The following KCNQ1 variants were observed in gnomAD, a reference collection of about 807,000 sequenced individuals.
The protein encoded by KCNQ1 is potassium voltage-gated channel subfamily KQT member 1.
A neutral mutation model predicts 72.4 loss-of-function variants in KCNQ1; 49 were observed. The ratio of observed to expected loss-of-function variants is 0.68; its 90% CI spans 0.54 to 0.86. The LOEUF (loss-of-function observed/expected upper bound fraction) is 0.86, where lower values mean the gene tolerates loss of function less well. Ranked by LOEUF, KCNQ1 falls within the 40% of genes least tolerant of loss-of-function variation. KCNQ1 has a pLI of 0.00. For missense variants in KCNQ1, 790 were observed against 945.1 expected (o/e 0.84, Z 2.15); for synonymous variants, 450 against 412.6 (o/e 1.09, Z -1.10).
chr11:2,513,636 C>A (rs1006642978), intron 1 of KCNQ1, among the ~76,000 whole-genome samples: 2 of 152,214 alleles, frequency 1.3e-5, no homozygotes, highest in African/African-American at 4.8e-5. Flanking sequence ...CGGGAGCCTC[C>A]ATCACCAGAG....
At position 2,464,359 on chromosome 11, in the gene KCNQ1, A is replaced by G. The variant is rs1846321797; in HGVS notation, c.386+18875A>G. On this transcript the variant is annotated intron_variant, in intron 1 of 15. Coordinates refer to ENST00000155840, the MANE Select transcript of KCNQ1 (RefSeq NM_000218.3). The surrounding 1 kb of genome is among the most constrained non-coding windows in gnomAD (Gnocchi z 5.0). ...TGCTTTTTAAAAATAATAAAAGATC[A>G]TTTAAATTAAAATATATAAGTGAGG... Among the ~76,000 whole-genome samples, 1 of 152,248 alleles carries G rather than the reference A, an allele frequency of 6.6e-6. No individual in the cohort carries two copies. The highest frequency in any genetic ancestry group is 2.4e-5 in the African/African-American group (1 of 41,466).
At chr11:2,707,952 C>A (rs904838787) in intron 11 of KCNQ1, among the ~76,000 whole-genome samples, 2 of 152,200 alleles carry the variant, frequency 1.3e-5, no homozygotes, top group Non-Finnish European at 2.9e-5. Context: ...GCATGTGCCA[C>A]CCCCCAGAGT....
intron 11 of KCNQ1, among the ~76,000 whole-genome samples, chr11:2,747,218 A>C (rs1402175040): frequency 6.6e-6 from 1 of 152,258 alleles, no homozygotes; most frequent in Non-Finnish European, 1.5e-5. Context: ...ACGCCTTAGA[A>C]AGAAATTACC....
chr11:2,646,349 CAAA>C (rs1564843868), intron 10 of KCNQ1: 1 of 398,514 alleles, frequency 2.5e-6, no homozygotes, highest in Non-Finnish European at 4.4e-6. Context: ...TGGGATGTCT[CAAA>C]AAATTTTGTA....
rs528455676 is a variant in KCNQ1, at chr11:2,516,444, C to T, written c.387-11484C>T. Among the ~76,000 whole-genome samples, 5 of 152,266 alleles carry T rather than the reference C, an allele frequency of 3.3e-5. No individual in the cohort carries two copies. The highest frequency in any genetic ancestry group is 4.1e-4 in the South Asian group (2 of 4,824). On this transcript the variant is annotated intron_variant, in intron 1 of 15. Transcript: ENST00000155840. The surrounding 1 kb of genome is among the most constrained non-coding windows in gnomAD (Gnocchi z 7.0). ...TGTGGCGGCCAGCTCTGGGGGCACA[C>T]GTTCCTGTTTGAATTCTCAATCTCC... is the stretch of plus-strand genomic sequence containing the variant.
chr11:2,480,405 A>C (rs180963408), intron 1 of KCNQ1, among the ~76,000 whole-genome samples: 69 of 152,370 alleles, frequency 4.5e-4, no homozygotes, highest in Middle Eastern at 3.4e-3. Context: ...ATGAAGAAAG[A>C]GCAAAGGCAC....
intron 15 of KCNQ1, among the ~76,000 whole-genome samples, chr11:2,836,845 A>C (rs1027575655): frequency 2.0e-5 from 3 of 152,248 alleles, no homozygotes; most frequent in Non-Finnish European, 4.4e-5. Context: ...CCTGGCAGGC[A>C]GGGGCCCTAG....
At chr11:2,697,403 T>C (rs898868638) in intron 11 of KCNQ1, 2 of 398,632 alleles carry the variant, frequency 5.0e-6, no homozygotes, top group Non-Finnish European at 8.8e-6. Flanking sequence ...TATTAGGGTA[T>C]GGCCAGGATG....
intron 10 of KCNQ1, chr11:2,619,074 G>T (rs1849119142): frequency 2.5e-6 from 1 of 398,320 alleles, no homozygotes. Flanking sequence ...AGGTTGCTTT[G>T]TCAGAGTCTT....
intron 11 of KCNQ1, among the ~76,000 whole-genome samples, chr11:2,719,682 G>C (rs1851170770): frequency 6.6e-6 from 1 of 152,180 alleles, no homozygotes; most frequent in Non-Finnish European, 1.5e-5. Context: ...AAGGAAACCA[G>C]GGCAGGACAG....
In KCNQ1 at chr11:2,712,116, G is replaced by A. The variant is rs1466030896; in HGVS notation, c.1514+50035G>A. Reference sequence around the variant, plus strand: ...AGAGGCCAGGATCCAAGGAGGTAACGGCTTTCTAGCCCTTTGGAAACCTGA... The same window carrying A: ...AGAGGCCAGGATCCAAGGAGGTAACAGCTTTCTAGCCCTTTGGAAACCTGA... On this transcript the variant is annotated intron_variant, in intron 11 of 15. Transcript: ENST00000155840. This position sits in a 1 kb window ranked among gnomAD's most constrained non-coding sequence, Gnocchi z 6.4. Among the ~76,000 whole-genome samples the A allele has an allele frequency of 7.9e-5, 12 of 152,194 alleles. No individual in the cohort carries two copies. Among genetic ancestry groups the A allele is most frequent in the Admixed American group, 6.5e-4 (10 of 15,282 alleles).
intron 12 of KCNQ1, among the ~76,000 whole-genome samples, chr11:2,775,741 G>A (rs1473669430): frequency 5.9e-5 from 9 of 152,184 alleles, no homozygotes; most frequent in Non-Finnish European, 1.2e-4. Flanking sequence ...CAGAGAGGCC[G>A]AGCTGATGGC....
At chr11:2,837,772 G>T (rs1383509502) in intron 15 of KCNQ1, among the ~76,000 whole-genome samples, 1 of 152,256 alleles carries the variant, frequency 6.6e-6, no homozygotes, top group Admixed American at 6.5e-5. Context: ...GCCAGCCCAT[G>T]TGAGGGTCCT....
rs533741830 is a variant in KCNQ1 at position 2,781,422 on chromosome 11, G to T, written c.1794+3385G>T. ...TGAGGAGGGTTGAGGCCAGGGGCAGGCTGGGGGCACCAGCAGCAGGGCCCA... is the reference window on the plus strand; with the variant it reads ...TGAGGAGGGTTGAGGCCAGGGGCAGTCTGGGGGCACCAGCAGCAGGGCCCA... On this transcript the variant is annotated intron_variant, in intron 15 of 15. Transcript: ENST00000155840. This position sits in a 1 kb window ranked among gnomAD's most constrained non-coding sequence, Gnocchi z 6.6. Among the ~76,000 whole-genome samples, 31 of 152,288 alleles carry T rather than the reference G, an allele frequency of 2.0e-4. No homozygotes were observed. Among genetic ancestry groups the T allele is most frequent in the Middle Eastern group, 3.4e-3 (1 of 294 alleles).
Position 2,447,871 on chromosome 11 carries a change from G to A in KCNQ1, c.386+2387G>A, listed in dbSNP as rs1052377868. Among the ~76,000 whole-genome samples, 12 of 152,198 alleles carry A rather than the reference G, an allele frequency of 7.9e-5. No individual in the cohort carries two copies. The highest frequency in any genetic ancestry group is 2.7e-4 in the African/African-American group (11 of 41,458). ...GGCTAGGGCGAACTCTCCTGTGTGC[G>A]CCTGGGGAAGCCAGCCAGGATATCC... On this transcript the variant is annotated intron_variant, in intron 1 of 15. Transcript: ENST00000155840. The surrounding 1 kb of genome is among the most constrained non-coding windows in gnomAD (Gnocchi z 7.6).
chr11:2,726,699 T>C (rs1564872895), intron 11 of KCNQ1, among the ~76,000 whole-genome samples: 1 of 152,176 alleles, frequency 6.6e-6, no homozygotes, highest in Non-Finnish European at 1.5e-5. Flanking sequence ...TTTTCTGCAT[T>C]GGCCTGAATA....
Position 2,564,056 on chromosome 11 carries a change from C to CA in KCNQ1, c.478-6571dup, listed in dbSNP as rs1848212130. On this transcript the variant is annotated intron_variant, in intron 2 of 15. Transcript: ENST00000155840. This position sits in a 1 kb window ranked among gnomAD's most constrained non-coding sequence, Gnocchi z 4.5. ...GCCCAGGTGAGCAACCGCCACGGGC[C>CA]AGGGCCCCTCGAGGCACTCATTTCA... Among the ~76,000 whole-genome samples the CA allele has an allele frequency of 6.6e-6, 1 of 152,230 alleles. No individual in the cohort carries two copies.
chr11:2,671,088 G>T lies in KCNQ1; in HGVS notation c.1514+9007G>T. On this transcript the variant is annotated intron_variant, in intron 11 of 15. Coordinates refer to ENST00000155840, the MANE Select transcript of KCNQ1 (RefSeq NM_000218.3). The surrounding 1 kb of genome is among the most constrained non-coding windows in gnomAD (Gnocchi z 4.7). ...GGTAGTGACTGGCTAGCAGGAGGAA[G>T]TCTGGCAGTTAGTCTGAGCAGTTAG... The T allele has an allele frequency of 2.7e-6, 1 of 377,034 alleles. No homozygotes were observed. 23.4% of individuals were successfully genotyped at this position (377,034 alleles called of 1,614,324 possible).
In KCNQ1 at chr11:2,663,976, C is replaced by A; in HGVS notation, c.1514+1895C>A. The A allele has an allele frequency of 2.5e-6, 1 of 398,706 alleles. No individual in the cohort carries two copies. Among genetic ancestry groups the A allele is most frequent in the South Asian group, 1.3e-4 (1 of 7,858 alleles). 24.7% of individuals were successfully genotyped at this position (398,706 alleles called of 1,614,324 possible). A position where few individuals can be genotyped will look rare whatever the true frequency, so the allele number is the denominator to read the frequency against. On this transcript the variant is annotated intron_variant, in intron 11 of 15. Coordinates refer to ENST00000155840, the MANE Select transcript of KCNQ1 (RefSeq NM_000218.3). This position sits in a 1 kb window ranked among gnomAD's most constrained non-coding sequence, Gnocchi z 5.2. ...GCCTGAGAGACCTGAACATCCATCCCCAAGCTCTCTGCCCACTTTGGGTCT... is the reference window on the plus strand; with the variant it reads ...GCCTGAGAGACCTGAACATCCATCCACAAGCTCTCTGCCCACTTTGGGTCT...
Sources: gnomAD v4.1 joint callset for allele counts (sites outside exome capture counted in the v4.1 genomes callset) on GRCh38, gnomAD v4.1.1 for gene constraint, Gnocchi (gnomAD v3.1) non-coding constraint, MANE v1.5 for transcripts, NCBI Gene and HGNC (gene_info 2026-07-23, HGNC 2026-07-21) for gene names.